The following NFIC variants were observed in gnomAD, a reference collection of about 807,000 sequenced individuals.
The protein encoded by NFIC is nuclear factor 1 C-type.
Under a neutral mutation model 54.4 loss-of-function variants are expected in NFIC, and 12 were observed. That is an observed-to-expected ratio of 0.22 (90% CI 0.14 to 0.36). The LOEUF (loss-of-function observed/expected upper bound fraction) is 0.36. NFIC is among the 10% of genes least tolerant of loss of function. The probability of loss-of-function intolerance (pLI) is 1.00; values close to 1 mark genes in which losing one functional copy is unlikely to be tolerated. For synonymous variants in NFIC, 322 were observed against 319.2 expected, an observed-to-expected ratio of 1.01 and a Z score of -0.09; for missense variants, 575 against 718.2, an observed-to-expected ratio of 0.80 and a Z score of 2.28.
intron 2 of NFIC, among the ~76,000 whole-genome samples, chr19:3,414,570 G>A (rs1277747862): frequency 6.6e-6 from 1 of 151,170 alleles, no homozygotes; most frequent in East Asian, 1.9e-4. Context: ...ACTCCAGTCT[G>A]GGAGACGGGG....
intron 2 of NFIC, among the ~76,000 whole-genome samples, chr19:3,385,081 C>G (rs1328227385): frequency 1.4e-5 from 2 of 146,808 alleles, no homozygotes; most frequent in Admixed American, 1.4e-4. Context: ...AGGTTGGCCT[C>G]TCTGAGTGAA....
At chr19:3,456,723 G>A (rs1350608346) in intron 10 of NFIC, 88 bp downstream of exon 10, 21 of 1,242,490 alleles carry the variant, frequency 1.7e-5, no homozygotes, top group African/African-American at 3.0e-5. Flanking sequence ...GGCCTGCTGG[G>A]TCCCACGCCA....
intron 1 of NFIC, among the ~76,000 whole-genome samples, chr19:3,359,915 A>G (rs924454762): frequency 6.7e-6 from 1 of 148,704 alleles, no homozygotes; most frequent in South Asian, 2.1e-4. Flanking sequence ...GGAGACCCCA[A>G]GTGGGGGGCC....
intron 2 of NFIC, among the ~76,000 whole-genome samples, chr19:3,408,835 T>G (rs1038815309): frequency 1.3e-5 from 2 of 152,018 alleles, no homozygotes; most frequent in Non-Finnish European, 2.9e-5. Flanking sequence ...CTCCTGACCT[T>G]GTGATCCCAA....
chr19:3,363,269 A>AT (rs1178364391), upstream of NFIC, among the ~76,000 whole-genome samples: 64 of 36,688 alleles, frequency 1.7e-3, 2 homozygotes, highest in East Asian at 0.011. Flanking sequence ...ATATATATAT[A>AT]TTTTTTTTTT....
At chr19:3,447,735 C>T (rs1599710410) in intron 6 of NFIC, among the ~76,000 whole-genome samples, 1 of 152,206 alleles carries the variant, frequency 6.6e-6, no homozygotes, top group Non-Finnish European at 1.5e-5. Flanking sequence ...GACGTGGCAG[C>T]TCACCCCAGG....
At position 3,465,448 on chromosome 19, in the gene NFIC, A is replaced by C. The variant is rs2082706554; in HGVS notation, c.*2679A>C. Reference sequence around the variant, plus strand: ...GAGAATCTAAAAAAAAAAAAAAAAAAAAAAAAGGAAGAAAAACCACGCTAA... The same window carrying C: ...GAGAATCTAAAAAAAAAAAAAAAAACAAAAAAGGAAGAAAAACCACGCTAA... On this transcript the variant is annotated 3_prime_UTR_variant, in exon 11 of 11. Transcript: ENST00000443272. 6.7e-6 allele frequency: 1 copy of C among 149,376 alleles called. No homozygotes were observed. Among genetic ancestry groups the C allele is most frequent in the Non-Finnish European group, 1.5e-5 (1 of 67,074 alleles). 9.3% of individuals were successfully genotyped at this position (149,376 alleles called of 1,614,324 possible).
At position 3,464,399 on chromosome 19, in the gene NFIC, C is replaced by G. The variant is rs556616330; in HGVS notation, c.*1630C>G. On this transcript the variant is annotated 3_prime_UTR_variant, in exon 11 of 11. Transcript: ENST00000443272. Reference sequence around the variant, plus strand: ...AAGCTGGGGACGCCAGGTGCCCCCCCACCCCGGCTCCCTGGCCCTATCCAC... The same window carrying G: ...AAGCTGGGGACGCCAGGTGCCCCCCGACCCCGGCTCCCTGGCCCTATCCAC... 35 of 984,364 alleles carry G rather than the reference C, an allele frequency of 3.6e-5. No individual in the cohort carries two copies. The highest frequency in any genetic ancestry group is 7.0e-5 in the African/African-American group (4 of 57,298). 61.0% of individuals were successfully genotyped at this position (984,364 alleles called of 1,614,324 possible). A position where few individuals can be genotyped will look rare whatever the true frequency, so the allele number is the denominator to read the frequency against.
intron 3 of NFIC, among the ~76,000 whole-genome samples, chr19:3,430,770 A>T (rs1396186188): frequency 1.3e-4 from 19 of 151,774 alleles, no homozygotes; most frequent in Admixed American, 1.2e-3. Flanking sequence ...CGTCTCTATT[A>T]AAAATCCAAA....
intron 10 of NFIC, among the ~76,000 whole-genome samples, chr19:3,457,010 C>T (rs2121933990): frequency 6.6e-6 from 1 of 152,298 alleles, no homozygotes; most frequent in Middle Eastern, 3.4e-3. Context: ...GTGCATCACC[C>T]TCCCTCCTCC....
At position 3,371,998 on chromosome 19, in the gene NFIC, C is replaced by CCTCCCTCTCTCTCTCTCT. The variant is rs1317268715; in HGVS notation, c.30+5335_30+5336insCCTCTCTCTCTCTCTCTC. Among the ~76,000 whole-genome samples, 18 of 35,414 alleles carry CCTCCCTCTCTCTCTCTCT rather than the reference C, an allele frequency of 5.1e-4. 4 individuals are homozygous for CCTCCCTCTCTCTCTCTCT. In the East Asian group the frequency reaches 0.011, roughly 21 times the overall value. The allele number at this position is 35,414 out of a possible 152,430, so 23.2% of individuals were successfully genotyped here. A position where few individuals can be genotyped will look rare whatever the true frequency, so the allele number is the denominator to read the frequency against. ...CTTTCTCTCTCTCTCCCTCTCTCTCCCTCTCTCTCTCTCTCTCTCTCTCTC... is the reference window on the plus strand; with the variant it reads ...CTTTCTCTCTCTCTCCCTCTCTCTCCCTCCCTCTCTCTCTCTCTCTCTCTCTCTCTCTCTCTCTCTCTC... On this transcript the variant is annotated intron_variant, in intron 1 of 10. Transcript: ENST00000443272.
chr19:3,395,100 T>C (rs1362295079), intron 2 of NFIC, among the ~76,000 whole-genome samples: 2 of 152,098 alleles, frequency 1.3e-5, no homozygotes, highest in Non-Finnish European at 2.9e-5. Context: ...GGCTCACACC[T>C]GTCATCCCAG....
intron 6 of NFIC, among the ~76,000 whole-genome samples, chr19:3,447,042 T>G (rs2082383050): frequency 6.6e-6 from 1 of 152,056 alleles, no homozygotes; most frequent in Admixed American, 6.5e-5. Flanking sequence ...CTCACGCCTA[T>G]AATCCCAGCA....
At position 3,465,430 on chromosome 19, in the gene NFIC, TAAAAAAAAAAAAA is replaced by T. The variant is rs10617203; in HGVS notation, c.*2673_*2685del. On this transcript the variant is annotated 3_prime_UTR_variant, in exon 11 of 11. Transcript: ENST00000443272. The stretch of plus-strand genomic sequence containing the variant: ...AATAAAAAATAAGAAAGTGAGAATC[TAAAAAAAAAAAAA>T]AAAAAAAAAAAGGAAGAAAAACCAC... 1 of 60,812 alleles carries T rather than the reference TAAAAAAAAAAAAA, an allele frequency of 1.6e-5. No homozygotes were observed. 3.8% of individuals were successfully genotyped at this position (60,812 alleles called of 1,614,324 possible).
intron 6 of NFIC, 54 bp downstream of exon 6, chr19:3,435,261 G>A: frequency 6.8e-7 from 1 of 1,480,760 alleles, no homozygotes; most frequent in South Asian, 1.3e-5. Flanking sequence ...CACCGTGGCG[G>A]GAACTACGTC....
rs909527787 is a variant in NFIC, at chr19:3,370,524, C to T, written c.30+3858C>T. On this transcript the variant is annotated intron_variant, in intron 1 of 10. Coordinates refer to ENST00000443272, the MANE Select transcript of NFIC (RefSeq NM_001245002.2). The surrounding 1 kb of genome is among the most constrained non-coding windows in gnomAD (Gnocchi z 5.2). ...CTCTGTCTCCCTCCCTTTCTCCCCC[C>T]ATCTCGCTCTCTCCTCCTCTCTCCC... Among the ~76,000 whole-genome samples, 3 of 149,060 alleles carry T rather than the reference C, an allele frequency of 2.0e-5. No individual in the cohort carries two copies. Among genetic ancestry groups the T allele is most frequent in the African/African-American group, 5.0e-5 (2 of 40,256 alleles).
At chr19:3,449,251 TCTA>T (rs2082419852) in intron 7 of NFIC, 112 bp downstream of exon 7, 1 of 1,431,132 alleles carries the variant, frequency 7.0e-7, no homozygotes, top group East Asian at 2.6e-5. Context: ...GCTGTAGCCT[TCTA>T]GGTGGGCAAA....
At chr19:3,380,039 C>T (rs1370375750) in intron 1 of NFIC, among the ~76,000 whole-genome samples, 3 of 151,550 alleles carry the variant, frequency 2.0e-5, no homozygotes, top group Admixed American at 6.6e-5. Context: ...CTTGCTCTGT[C>T]GCCCAGGCTG....
intron 1 of NFIC, among the ~76,000 whole-genome samples, chr19:3,378,830 C>T (rs2081150752): frequency 6.6e-6 from 1 of 152,152 alleles, no homozygotes; most frequent in South Asian, 2.1e-4. Context: ...TGTATCAGCA[C>T]AGTGGGTTCA....
Sources: gnomAD v4.1 joint callset for allele counts (sites outside exome capture counted in the v4.1 genomes callset) on GRCh38, gnomAD v4.1.1 for gene constraint, Gnocchi (gnomAD v3.1) non-coding constraint, MANE v1.5 for transcripts, NCBI Gene and HGNC (gene_info 2026-07-23, HGNC 2026-07-21) for gene names.